RPH3AL: variants seen among roughly 807,000 people sequenced by gnomAD.
The protein encoded by RPH3AL is rab effector Noc2.
RPH3AL carries 38 observed loss-of-function variants against 43.1 expected under a neutral mutation model. The ratio of observed to expected loss-of-function variants is 0.88; its 90% CI spans 0.68 to 1.15. RPH3AL has a LOEUF of 1.15. RPH3AL is among the 50% of genes most tolerant of loss of function. The pLI, the probability that RPH3AL is intolerant of heterozygous loss-of-function variation, is 0.00. For missense variants in RPH3AL, 462 were observed against 423.2 expected (o/e 1.09, Z -0.81); for synonymous variants, 189 against 176.3 (o/e 1.07, Z -0.57).
At chr17:259,470 C>T (rs2042149539) in intron 6 of RPH3AL, among the ~76,000 whole-genome samples, 2 of 152,178 alleles carry the variant, frequency 1.3e-5, no homozygotes, top group South Asian at 4.1e-4. Flanking sequence ...GCATCTGGGC[C>T]TGTCACCCGC....
rs2151619636 is a variant in RPH3AL at position 289,568 on chromosome 17, GT to G, written c.352-7715del. Among the ~76,000 whole-genome samples the G allele has an allele frequency of 6.6e-6, 1 of 152,244 alleles. No homozygotes were observed. The highest frequency in any genetic ancestry group is 2.1e-4 in the South Asian group (1 of 4,822). ...TTTCTCAAGAGGCAAATCTAATCATGTCACCTCTCCCATCCCTCCCAACTTA... is the reference window on the plus strand; with the variant it reads ...TTTCTCAAGAGGCAAATCTAATCATGCACCTCTCCCATCCCTCCCAACTTA... On this transcript the variant is annotated intron_variant, in intron 5 of 9. Transcript: ENST00000331302. The surrounding 1 kb of genome is among the most constrained non-coding windows in gnomAD (Gnocchi z 5.2).
At chr17:315,462 G>C (rs2043971871) in intron 5 of RPH3AL, among the ~76,000 whole-genome samples, 4 of 149,372 alleles carry the variant, frequency 2.7e-5, no homozygotes, top group Non-Finnish European at 3.0e-5. Context: ...TTGACCTGTA[G>C]TCCCTGTGCT....
chr17:342,442 G>A (rs2045143680), intron 1 of RPH3AL, among the ~76,000 whole-genome samples: 1 of 152,118 alleles, frequency 6.6e-6, no homozygotes, highest in South Asian at 2.1e-4. Context: ...ATAGCCAAAG[G>A]GGGAAACAAC....
chr17:231,186 C>T (rs1385931375), intron 7 of RPH3AL, among the ~76,000 whole-genome samples: 1 of 152,224 alleles, frequency 6.6e-6, no homozygotes, highest in Non-Finnish European at 1.5e-5. Flanking sequence ...CCCCAGGTCT[C>T]TCTGTCACAT....
intron 6 of RPH3AL, among the ~76,000 whole-genome samples, chr17:257,762 T>C (rs12937602): frequency 0.028 from 520 of 18,760 alleles, 21 homozygotes; most frequent in African/African-American, 0.13. Flanking sequence ...TCCCTAGGAA[T>C]GTGACTACCC....
At chr17:247,340 C>A in intron 6 of RPH3AL, 55 bp from the exon 7 acceptor site, 3 of 1,482,250 alleles carry the variant, frequency 2.0e-6, no homozygotes, top group East Asian at 4.7e-5. Context: ...GCCTCCCCTC[C>A]TGCTCCTTGC....
At chr17:330,578 A>G (rs1034637914) in intron 2 of RPH3AL, among the ~76,000 whole-genome samples, 1 of 152,228 alleles carries the variant, frequency 6.6e-6, no homozygotes, top group Admixed American at 6.5e-5. Context: ...CAAAGTAAAC[A>G]CTAAAATATA....
rs868939938 is a variant in RPH3AL, at chr17:253,382, C to T, written c.439-6097G>A. Among the ~76,000 whole-genome samples, 8 of 152,274 alleles carry T rather than the reference C, an allele frequency of 5.3e-5. No individual in the cohort carries two copies. In the East Asian group the frequency reaches 9.6e-4, roughly 18 times the overall value. On this transcript the variant is annotated intron_variant, in intron 6 of 9. Transcript: ENST00000331302. ...AAGACACCCCACAGAGCTGCATTCC[C>T]GCACACTGTGGGGCCGAGAACCTCA...
At chr17:268,229 TCCC>T (rs941037321) in intron 6 of RPH3AL, among the ~76,000 whole-genome samples, 6 of 151,792 alleles carry the variant, frequency 4.0e-5, no homozygotes, top group African/African-American at 1.5e-4. Context: ...CCTCCTCATC[TCCC>T]CGTCACCCCT....
At chr17:297,466 C>A (rs974726027) in intron 5 of RPH3AL, among the ~76,000 whole-genome samples, 6 of 152,144 alleles carry the variant, frequency 3.9e-5, no homozygotes, top group Non-Finnish European at 8.8e-5. Flanking sequence ...TGGGACCGAG[C>A]CCTCGTCCTG....
At chr17:304,342 G>T (rs1368112397) in intron 5 of RPH3AL, among the ~76,000 whole-genome samples, 3 of 151,874 alleles carry the variant, frequency 2.0e-5, no homozygotes, top group Admixed American at 6.6e-5. Context: ...AGAGGTGAGG[G>T]AATGAGCCCA....
At chr17:236,592 C>T (rs1296562474) in intron 7 of RPH3AL, among the ~76,000 whole-genome samples, 2 of 152,178 alleles carry the variant, frequency 1.3e-5, no homozygotes, top group East Asian at 3.9e-4. Context: ...GGCTGGCAAG[C>T]TGCAGAGCGG....
At chr17:243,019 A>C (rs71369973) in intron 7 of RPH3AL, among the ~76,000 whole-genome samples, 21,359 of 76,552 alleles carry the variant, frequency 0.28, 5,673 homozygotes, top group East Asian at 0.52. Context: ...CCTCTATTGA[A>C]TACCTTCCTC....
chr17:317,223 G>A (rs2044287585), intron 5 of RPH3AL, among the ~76,000 whole-genome samples: 1 of 140,588 alleles, frequency 7.1e-6, no homozygotes, highest in South Asian at 2.3e-4. Context: ...CCATTGACCT[G>A]CAGTGCCTGT....
intron 7 of RPH3AL, among the ~76,000 whole-genome samples, chr17:220,064 G>A (rs1302698077): frequency 1.3e-5 from 2 of 152,086 alleles, no homozygotes; most frequent in Non-Finnish European, 2.9e-5. Flanking sequence ...TGGCCGTGTC[G>A]GAGGCTGATT....
Position 327,475 on chromosome 17 carries a change from A to G in RPH3AL, c.69T>C (p.Leu23=). The G allele has an allele frequency of 6.2e-7, 1 of 1,613,838 alleles. No homozygotes were observed. Among genetic ancestry groups the G allele is most frequent in the Admixed American group, 1.7e-5 (1 of 60,012 alleles). ...WVCPNDRQLA[L]RAKLQTGWSV... is the part of the protein sequence containing the mutation. ...GCCCCAGAGGTACTCACTTGGCTCGAAGGGCAAGCTGCCGGTCATTGGGGC... is the reference window on the plus strand; with the variant it reads ...GCCCCAGAGGTACTCACTTGGCTCGGAGGGCAAGCTGCCGGTCATTGGGGC... Residue 23 remains leucine, a synonymous_variant, in exon 3 of 10, where the codon CTT becomes CTC. Transcript: ENST00000331302.
At position 323,294 on chromosome 17, in the gene RPH3AL, C is replaced by T. The variant is rs540699502; in HGVS notation, c.78-1879G>A. On this transcript the variant is annotated intron_variant, in intron 3 of 9. Coordinates refer to ENST00000331302, the MANE Select transcript of RPH3AL (RefSeq NM_006987.4). The surrounding 1 kb of genome is among the most constrained non-coding windows in gnomAD (Gnocchi z 4.4). Reference sequence around the variant, plus strand: ...AAAAAACTGCAATGCCCTAGACCAACGCTTTCCAAGCAGTGCTCACGGTGC... The same window carrying T: ...AAAAAACTGCAATGCCCTAGACCAATGCTTTCCAAGCAGTGCTCACGGTGC... Among the ~76,000 whole-genome samples the T allele has an allele frequency of 1.2e-4, 18 of 151,936 alleles. No individual in the cohort carries two copies. In the Middle Eastern group the frequency reaches 0.031, roughly 260 times the overall value.
intron 5 of RPH3AL, among the ~76,000 whole-genome samples, chr17:314,503 A>C (rs915012557): frequency 2.3e-5 from 3 of 130,104 alleles, no homozygotes; most frequent in Non-Finnish European, 4.9e-5. Context: ...CCTATACTCC[A>C]CGTCCATTGA....
At chr17:222,101 G>A (rs56871222) in intron 7 of RPH3AL, among the ~76,000 whole-genome samples, 7,086 of 152,342 alleles carry the variant, frequency 0.047, 229 homozygotes, top group African/African-American at 0.057. Context: ...CACTCGCTGA[G>A]ACAAGGCCCA....
Sources: gnomAD v4.1 joint callset for allele counts (sites outside exome capture counted in the v4.1 genomes callset) on GRCh38, gnomAD v4.1.1 for gene constraint, Gnocchi (gnomAD v3.1) non-coding constraint, MANE v1.5 for transcripts, NCBI Gene and HGNC (gene_info 2026-07-23, HGNC 2026-07-21) for gene names.